The following HMGXB3 variants were observed in gnomAD, a reference collection of about 807,000 sequenced individuals.
HMGXB3 encodes HMG domain-containing protein 3.
In HMGXB3, 45 loss-of-function variants were observed where a neutral mutation model predicts 121.5. The ratio of observed to expected loss-of-function variants is 0.37; its 90% CI spans 0.29 to 0.47. The LOEUF (loss-of-function observed/expected upper bound fraction) is 0.47. Ranked by LOEUF, HMGXB3 falls within the 20% of genes least tolerant of loss-of-function variation. The pLI is 0.99. For missense variants in HMGXB3, 1,376 were observed against 1,602.2 expected (o/e 0.86, Z 2.41); for synonymous variants, 590 against 624.1 (o/e 0.95, Z 0.81).
chr5:150,049,002 T>C lies in HMGXB3; in HGVS notation c.3201+317T>C, dbSNP rs558443166. Among the ~76,000 whole-genome samples the C allele has an allele frequency of 8.5e-5, 13 of 152,322 alleles. No individual in the cohort carries two copies. The East Asian group carries it at 2.5e-3, about 29-fold the overall frequency. ...AGTGGGGAAATAAAGTCACCACAGC[T>C]TGTGGCATTGGCTCTGAAGAAATTA... On this transcript the variant is annotated intron_variant, in intron 18 of 19. Transcript: ENST00000502717.
chr5:150,005,947 T>G (rs2113722785), intron 2 of HMGXB3, among the ~76,000 whole-genome samples: 1 of 152,318 alleles, frequency 6.6e-6, no homozygotes, highest in East Asian at 1.9e-4. Flanking sequence ...AAAAGCGATC[T>G]TTAGGAAAGC....
intron 5 of HMGXB3, among the ~76,000 whole-genome samples, chr5:150,015,632 C>T (rs552965036): frequency 1.8e-4 from 27 of 152,246 alleles, no homozygotes; most frequent in Non-Finnish European, 3.2e-4. Flanking sequence ...TATGAATTTC[C>T]CTCTAAGCAC....
At chr5:150,042,531 A>G (rs1756661119) in intron 15 of HMGXB3, among the ~76,000 whole-genome samples, 1 of 150,556 alleles carries the variant, frequency 6.6e-6, no homozygotes, top group South Asian at 2.1e-4. Context: ...AACAGCTCGA[A>G]CAGGGTCTGA....
intron 13 of HMGXB3, among the ~76,000 whole-genome samples, chr5:150,040,247 A>G (rs1353803408): frequency 6.6e-6 from 1 of 152,100 alleles, no homozygotes; most frequent in African/African-American, 2.4e-5. Flanking sequence ...AGTTAGATCT[A>G]CTTCTTTTTA....
intron 3 of HMGXB3, among the ~76,000 whole-genome samples, chr5:150,008,494 T>A (rs1461467622): frequency 6.6e-6 from 1 of 152,194 alleles, no homozygotes; most frequent in Non-Finnish European, 1.5e-5. Context: ...AAAAGTGGCA[T>A]TTATTGAGTA....
At chr5:150,026,185 G>A (rs1226559148) in intron 7 of HMGXB3, among the ~76,000 whole-genome samples, 1 of 152,110 alleles carries the variant, frequency 6.6e-6, no homozygotes, top group African/African-American at 2.4e-5. Context: ...CGATGGTTTT[G>A]TATATTTAAA....
intron 12 of HMGXB3, among the ~76,000 whole-genome samples, 200 bp downstream of exon 12, chr5:150,037,137 A>G (rs188493112): frequency 6.8e-4 from 103 of 152,336 alleles, no homozygotes; most frequent in African/African-American, 2.1e-3. Flanking sequence ...AGTTATCACC[A>G]GATTAGGATT....
intron 6 of HMGXB3, among the ~76,000 whole-genome samples, chr5:150,021,202 T>G: frequency 6.6e-6 from 1 of 152,228 alleles, no homozygotes; most frequent in Admixed American, 6.5e-5. Flanking sequence ...TTCTAAAGCT[T>G]ATAGAAACAG....
In HMGXB3 at chr5:150,052,153, G is replaced by GGAGGGT. The variant is rs1348183253; in HGVS notation, c.3845_3850dup (p.Gly1282_Glu1283dup). 6.5e-7 allele frequency: 1 copy of GGAGGGT among 1,549,010 alleles called. No individual in the cohort carries two copies. Among genetic ancestry groups the GGAGGGT allele is most frequent in the Admixed American group, 2.0e-5 (1 of 50,978 alleles). ...CTCAGATCAAGACAGAGACAGAGGA[G>GGAGGGT]GAGGGTGAGGAAGAGGAGGTGGCCG... On this transcript the variant is annotated inframe_insertion, in exon 20 of 20. Coordinates refer to ENST00000502717, the MANE Select transcript of HMGXB3 (RefSeq NM_014983.3).
chr5:150,029,238 G>C (rs1211606603), intron 9 of HMGXB3, among the ~76,000 whole-genome samples: 1 of 151,756 alleles, frequency 6.6e-6, no homozygotes. Flanking sequence ...TAGTGATACA[G>C]ATATTAAAAA....
At chr5:150,040,072 G>A (rs989369551) in intron 13 of HMGXB3, among the ~76,000 whole-genome samples, 1 of 152,206 alleles carries the variant, frequency 6.6e-6, no homozygotes, top group Non-Finnish European at 1.5e-5. Context: ...GTGAAGTTGT[G>A]TGAGGTGTAA....
chr5:150,039,781 T>A (rs1422120788), intron 13 of HMGXB3, among the ~76,000 whole-genome samples: 1 of 152,234 alleles, frequency 6.6e-6, no homozygotes, highest in East Asian at 1.9e-4. Flanking sequence ...AAAAAATATT[T>A]GTATGGGACC....
intron 6 of HMGXB3, among the ~76,000 whole-genome samples, chr5:150,022,796 A>G (rs1309238487): frequency 6.7e-6 from 1 of 149,828 alleles, no homozygotes; most frequent in Non-Finnish European, 1.5e-5. Flanking sequence ...AGAGCTCTTA[A>G]GAGGTCACCT....
chr5:150,024,134 A>T, intron 6 of HMGXB3, 128 bp from the exon 7 acceptor site: 2 of 790,940 alleles, frequency 2.5e-6, no homozygotes, highest in Non-Finnish European at 3.8e-6. Context: ...ATCTTAAGTT[A>T]ACTTCTTCCT....
chr5:150,039,549 G>A (rs1020106159), intron 13 of HMGXB3, among the ~76,000 whole-genome samples: 3 of 152,108 alleles, frequency 2.0e-5, no homozygotes, highest in South Asian at 4.1e-4. Flanking sequence ...TTTCTTTGTA[G>A]TAGGTAGAGT....
chr5:150,024,779 A>T, intron 7 of HMGXB3, 99 bp downstream of exon 7: 1 of 1,021,542 alleles, frequency 9.8e-7, no homozygotes, highest in East Asian at 2.7e-5. Flanking sequence ...AGCAGAGACC[A>T]GGCAATGGTT....
At chr5:150,014,552 G>A (rs1430657969) in intron 5 of HMGXB3, among the ~76,000 whole-genome samples, 1 of 152,152 alleles carries the variant, frequency 6.6e-6, no homozygotes, top group African/African-American at 2.4e-5. Context: ...ACTGCCCCCA[G>A]CTACATCTAA....
At chr5:150,009,555 G>A (rs1320304001) in intron 3 of HMGXB3, among the ~76,000 whole-genome samples, 1 of 152,078 alleles carries the variant, frequency 6.6e-6, no homozygotes, top group African/African-American at 2.4e-5. Flanking sequence ...GTAAGTCTGG[G>A]GAAAACCAGT....
In HMGXB3 at chr5:150,041,949, C is replaced by G; in HGVS notation, c.2710C>G (p.Leu904Val). The G allele has an allele frequency of 6.4e-7, 1 of 1,551,534 alleles. No homozygotes were observed. The highest frequency in any genetic ancestry group is 8.7e-7 in the Non-Finnish European group (1 of 1,146,882). ...EMAQRSEENVLALKSVEFTWP... is the reference protein window; with the variant it reads ...EMAQRSEENVVALKSVEFTWP... ...GGCTCAGAGGAGTGAAGAGAATGTG[C>G]TAGCACTGAAGAGCGTGGAGGTAAG... Residue 904 changes from leucine (L) to valine (V), a missense_variant, in exon 15 of 20, where the codon CTA becomes GTA. Physicochemically the swap from Leu to Val is conservative, Grantham distance 32 (BLOSUM62 1). Around this residue, in one of 2 missense-constraint regions of HMGXB3, gnomAD observed 1,116 missense variants for 1,369.0 expected, o/e 0.82. Coordinates refer to ENST00000502717, the MANE Select transcript of HMGXB3 (RefSeq NM_014983.3).
Sources: gnomAD v4.1 joint callset for allele counts (sites outside exome capture counted in the v4.1 genomes callset) on GRCh38, gnomAD v4.1.1 for gene constraint, gnomAD v4.1.1 regional missense constraint, MANE v1.5 for transcripts, NCBI Gene and HGNC (gene_info 2026-07-23, HGNC 2026-07-21) for gene names.